The following CAMKMT variants were observed in gnomAD, a reference collection of about 807,000 sequenced individuals.
The protein encoded by CAMKMT is calmodulin-lysine N-methyltransferase.
In CAMKMT, 53 loss-of-function variants were observed where a neutral mutation model predicts 48.0. The observed-to-expected ratio is 1.10, with a 90% CI of 0.89 to 1.39. The LOEUF (loss-of-function observed/expected upper bound fraction) is 1.39. Among genes scored for constraint, CAMKMT ranks in the 40% most tolerant of loss-of-function variants. The pLI, the probability that CAMKMT is intolerant of heterozygous loss-of-function variation, is 0.00. For missense variants in CAMKMT, 428 were observed against 402.7 expected (o/e 1.06, Z -0.54); for synonymous variants, 165 against 152.3 (o/e 1.08, Z -0.61).
intron 3 of CAMKMT, among the ~76,000 whole-genome samples, chr2:44,467,548 AAAC>A (rs1188826796): frequency 1.3e-5 from 2 of 151,260 alleles, no homozygotes; most frequent in African/African-American, 2.4e-5. Context: ...TCAGAAAAAA[AAAC>A]AAAAAAAAAC....
chr2:44,713,632 G>A (rs1678003324), intron 6 of CAMKMT, among the ~76,000 whole-genome samples: 1 of 151,930 alleles, frequency 6.6e-6, no homozygotes, highest in Admixed American at 6.6e-5. Context: ...TTGCATACAG[G>A]AAAGTTCACC....
chr2:44,631,642 G>A, intron 3 of CAMKMT: 1 of 432,692 alleles, frequency 2.3e-6, no homozygotes, highest in Non-Finnish European at 4.0e-6. Context: ...TTGGGTCTTG[G>A]ATTTTGAGCC....
intron 7 of CAMKMT, among the ~76,000 whole-genome samples, chr2:44,740,876 G>A (rs375473226): frequency 3.3e-5 from 5 of 152,162 alleles, no homozygotes; most frequent in African/African-American, 1.2e-4. Context: ...AGATCAGTGT[G>A]GGCCAGTGGG....
intron 7 of CAMKMT, among the ~76,000 whole-genome samples, chr2:44,736,086 C>CAT (rs1444988038): frequency 6.6e-6 from 1 of 152,098 alleles, no homozygotes; most frequent in Non-Finnish European, 1.5e-5. Context: ...AAGAAACAGT[C>CAT]ATATATATAT....
chr2:44,624,774 C>T (rs1212299141), intron 3 of CAMKMT, among the ~76,000 whole-genome samples: 4 of 151,984 alleles, frequency 2.6e-5, no homozygotes, highest in South Asian at 2.1e-4. Flanking sequence ...TGAATAGTGC[C>T]GCAATAAATA....
intron 7 of CAMKMT, among the ~76,000 whole-genome samples, chr2:44,719,259 TTCTC>T (rs1678336331): frequency 2.0e-5 from 3 of 152,206 alleles, no homozygotes; most frequent in Admixed American, 6.5e-5. Context: ...TCCCCTTGCC[TTCTC>T]AGCCTACCCT....
chr2:44,718,083 T>C (rs1001486523), intron 7 of CAMKMT, among the ~76,000 whole-genome samples: 1 of 152,182 alleles, frequency 6.6e-6, no homozygotes, highest in Non-Finnish European at 1.5e-5. Flanking sequence ...TATATGACCA[T>C]GTGAACACAT....
At chr2:44,427,762 A>T (rs1056076919) in intron 3 of CAMKMT, among the ~76,000 whole-genome samples, 31 of 152,182 alleles carry the variant, frequency 2.0e-4, no homozygotes, top group Non-Finnish European at 2.9e-4. Context: ...GATTTGTATT[A>T]TATTGAATTT....
chr2:44,578,938 A>G (rs893891145), intron 3 of CAMKMT, among the ~76,000 whole-genome samples: 5 of 152,198 alleles, frequency 3.3e-5, no homozygotes, highest in African/African-American at 4.8e-5. Context: ...AAGTTGATTC[A>G]TTGTGTATTG....
chr2:44,428,296 G>A (rs1261901051), intron 3 of CAMKMT, among the ~76,000 whole-genome samples: 3 of 152,172 alleles, frequency 2.0e-5, no homozygotes, highest in Admixed American at 6.5e-5. Context: ...GAGTTCGGTC[G>A]TTCCCAGCCC....
chr2:44,544,899 T>C (rs1667313199), intron 3 of CAMKMT, among the ~76,000 whole-genome samples: 1 of 152,256 alleles, frequency 6.6e-6, no homozygotes, highest in East Asian at 1.9e-4. Context: ...TAGAATTATC[T>C]GATGTAATCC....
intron 3 of CAMKMT, among the ~76,000 whole-genome samples, chr2:44,606,818 C>CG (rs397949024): frequency 2.0e-5 from 3 of 151,258 alleles, no homozygotes; most frequent in Non-Finnish European, 2.9e-5. Flanking sequence ...ACCCCCCCCC[C>CG]ACCAAGATTA....
chr2:44,769,623 T>C lies in CAMKMT; in HGVS notation c.895-2413T>C, dbSNP rs570675264. ...ATACTCTCATTCATGCAAATGTTCTTTGAAATATAATTTTACATGCCGTGG... is the reference window on the plus strand; with the variant it reads ...ATACTCTCATTCATGCAAATGTTCTCTGAAATATAATTTTACATGCCGTGG... On this transcript the variant is annotated intron_variant, in intron 10 of 10. Transcript: ENST00000378494. Among the ~76,000 whole-genome samples, 4 of 152,316 alleles carry C rather than the reference T, an allele frequency of 2.6e-5. No individual in the cohort carries two copies. The South Asian group carries it at 8.3e-4, about 32-fold the overall frequency.
intron 3 of CAMKMT, among the ~76,000 whole-genome samples, chr2:44,563,555 T>C (rs539898644): frequency 1.3e-5 from 2 of 152,150 alleles, no homozygotes; most frequent in African/African-American, 4.8e-5. Flanking sequence ...ACATGTGCCA[T>C]GTTGGTTTGC....
At chr2:44,366,720 T>A (rs1254730238) in intron 1 of CAMKMT, among the ~76,000 whole-genome samples, 3 of 151,446 alleles carry the variant, frequency 2.0e-5, no homozygotes, top group Non-Finnish European at 4.4e-5. Context: ...CAGCTATTGT[T>A]ATTATTATTA....
At chr2:44,478,584 A>G (rs1293634691) in intron 3 of CAMKMT, among the ~76,000 whole-genome samples, 5 of 152,238 alleles carry the variant, frequency 3.3e-5, no homozygotes, top group Admixed American at 6.5e-5. Context: ...AATCTTTAAC[A>G]ATAATAAAGG....
intron 3 of CAMKMT, among the ~76,000 whole-genome samples, chr2:44,575,626 A>G (rs539461027): frequency 6.6e-6 from 1 of 151,794 alleles, no homozygotes; most frequent in Non-Finnish European, 1.5e-5. Context: ...TCTCAGCACT[A>G]TGGGAGACTG....
chr2:44,686,641 C>T (rs1355418529), intron 3 of CAMKMT, among the ~76,000 whole-genome samples: 3 of 152,034 alleles, frequency 2.0e-5, no homozygotes, highest in African/African-American at 7.2e-5. Context: ...TTGCCATGAA[C>T]ACGTTTGAAT....
At chr2:44,712,827 A>T (rs1167525967) in intron 6 of CAMKMT, among the ~76,000 whole-genome samples, 2 of 152,200 alleles carry the variant, frequency 1.3e-5, no homozygotes, top group African/African-American at 4.8e-5. Context: ...GGTGACACAG[A>T]AGAATGATAA....
Sources: gnomAD v4.1 joint callset for allele counts (sites outside exome capture counted in the v4.1 genomes callset) on GRCh38, gnomAD v4.1.1 for gene constraint, MANE v1.5 for transcripts, NCBI Gene and HGNC (gene_info 2026-07-23, HGNC 2026-07-21) for gene names.